The following OTOA variants were observed in gnomAD, a reference collection of about 807,000 sequenced individuals.
OTOA encodes cancer/testis antigen 108.
OTOA carries 70 observed loss-of-function variants against 110.8 expected under a neutral mutation model. That is an observed-to-expected ratio of 0.63 (90% CI 0.52 to 0.77). The LOEUF is 0.77. Ranked by LOEUF, OTOA falls within the 30% of genes least tolerant of loss-of-function variation. The pLI is 0.00. For missense variants in OTOA, 917 were observed against 1,075.8 expected (o/e 0.85, Z 2.06); for synonymous variants, 373 against 431.5 (o/e 0.86, Z 1.68).
chr16:21,678,779 G>T, intron 2 of OTOA, 136 bp from the exon 3 acceptor site: 1 of 1,251,912 alleles, frequency 8.0e-7, no homozygotes, highest in Non-Finnish European at 1.2e-6. Context: ...TTTTCTCAGA[G>T]TGGACAGTTA....
chr16:21,758,804 C>A (rs1353762180), intron 28 of OTOA, among the ~76,000 whole-genome samples: 3 of 151,502 alleles, frequency 2.0e-5, no homozygotes, highest in Non-Finnish European at 2.9e-5. Flanking sequence ...AGTTTTGAGA[C>A]CAGCCTGGCC....
intron 18 of OTOA, among the ~76,000 whole-genome samples, chr16:21,725,274 A>G (rs1214043087): frequency 6.6e-6 from 1 of 152,032 alleles, no homozygotes; most frequent in Non-Finnish European, 1.5e-5. Flanking sequence ...TGGAGAAGTT[A>G]GAATAGATTT....
intron 9 of OTOA, among the ~76,000 whole-genome samples, chr16:21,693,762 G>T (rs1289103264): frequency 6.6e-6 from 1 of 152,114 alleles, no homozygotes; most frequent in Non-Finnish European, 1.5e-5. Context: ...TTTTAGTAGA[G>T]ATGTGATTCC....
At chr16:21,697,438 G>A (rs1897966153) in intron 9 of OTOA, among the ~76,000 whole-genome samples, 1 of 152,048 alleles carries the variant, frequency 6.6e-6, no homozygotes, top group South Asian at 2.1e-4. Context: ...TTTGAGACCA[G>A]CCTGACCAAC....
rs118052093 is a variant in OTOA, at chr16:21,678,250, A to T, written c.-4-261A>T. Among the ~76,000 whole-genome samples the T allele has an allele frequency of 0.023, 3,567 of 152,100 alleles. 76 individuals carry two copies. The highest frequency in any genetic ancestry group is 0.036 in the Non-Finnish European group (2,442 of 67,994). On this transcript the variant is annotated intron_variant, in intron 1 of 28. Coordinates refer to ENST00000646100, the MANE Select transcript of OTOA (RefSeq NM_144672.4). ...AGGAGTTGGGGGTAGTGGTAAGATA[A>T]ACAGGCCATTGTAGTCACCAAGGAG...
chr16:21,699,570 G>A (rs748212737), intron 10 of OTOA, among the ~76,000 whole-genome samples: 14 of 152,010 alleles, frequency 9.2e-5, no homozygotes, highest in African/African-American at 2.4e-4. Flanking sequence ...CCAGGAGGTC[G>A]AGGCTGCAAT....
chr16:21,733,260 T>C (rs1899173493), intron 21 of OTOA, among the ~76,000 whole-genome samples: 1 of 129,152 alleles, frequency 7.7e-6, no homozygotes, highest in African/African-American at 2.9e-5. Context: ...AAATACAAAA[T>C]GGAAAATGCC....
rs757668925 is a variant in OTOA, at chr16:21,722,934, A to G, written c.1836A>G (p.Glu612=). 2 of 1,614,022 alleles carry G rather than the reference A, an allele frequency of 1.2e-6. No individual in the cohort carries two copies. Among genetic ancestry groups the G allele is most frequent in the African/African-American group, 2.7e-5 (2 of 74,916 alleles). Residue 612 remains glutamate, a synonymous_variant, in exon 18 of 29, where the codon GAA becomes GAG. Coordinates refer to ENST00000646100, the MANE Select transcript of OTOA (RefSeq NM_144672.4). Reference sequence around the variant, plus strand: ...ATTGTTTGGCGTGGAAATACTGGGAAGTTTCCAGATTGTCTATGCCACCTT... The same window carrying G: ...ATTGTTTGGCGTGGAAATACTGGGAGGTTTCCAGATTGTCTATGCCACCTT... ...QVNCLAWKYW[E]VSRLSMPPFL...
rs760696070 is a variant in OTOA at position 21,710,023 on chromosome 16, A to G, written c.1240A>G (p.Ile414Val). 8.7e-6 allele frequency: 14 copies of G among 1,613,988 alleles called. No homozygotes were observed. The highest frequency in any genetic ancestry group is 9.3e-6 in the Non-Finnish European group (11 of 1,180,002). Residue 414 changes from isoleucine to valine, a missense_variant, in exon 13 of 29, where the codon ATC (isoleucine) becomes GTC (valine). Around this residue, in one of 6 missense-constraint regions of OTOA, gnomAD observed 840 missense variants for 910.2 expected, o/e 0.92. Transcript: ENST00000646100. ...SLSPEAVHGA[I>V]STLNQVSGWA... is the part of the protein sequence containing the mutation. Reference sequence around the variant, plus strand: ...CTCCCCCGAGGCTGTGCACGGAGCCATCTCCACCCTCAACCAGGTCTCAGG... The same window carrying G: ...CTCCCCCGAGGCTGTGCACGGAGCCGTCTCCACCCTCAACCAGGTCTCAGG...
chr16:21,664,056 C>T lies in OTOA; in HGVS notation c.-181C>T, dbSNP rs1407452632. ...AGTCCCAGGCGGGGACTGTGACCCC[C>T]GCCGCTGCCCTGGCTGAGTTCCCAC... On this transcript the variant is annotated 5_prime_UTR_variant, in exon 1 of 29. Transcript: ENST00000646100. The T allele has an allele frequency of 2.6e-5, 4 of 152,286 alleles. No individual in the cohort carries two copies. Among genetic ancestry groups the T allele is most frequent in the African/African-American group, 9.6e-5 (4 of 41,564 alleles). 9.4% of individuals were successfully genotyped at this position (152,286 alleles called of 1,614,324 possible).
rs181276948 is a variant in OTOA at position 21,685,383 on chromosome 16, G to C, written c.399+22G>C. Reference sequence around the variant, plus strand: ...CTTGGTGAGGAGCCCTTGGCATCCCGGGGATAGAGGAAGTCCAGCACCACG... The same window carrying C: ...CTTGGTGAGGAGCCCTTGGCATCCCCGGGATAGAGGAAGTCCAGCACCACG... On this transcript the variant is annotated intron_variant, in intron 7 of 28. Transcript: ENST00000646100. The C allele has an allele frequency of 1.8e-5, 29 of 1,607,032 alleles. No individual in the cohort carries two copies. The Admixed American group carries it at 4.0e-4, about 22-fold the overall frequency.
chr16:21,714,395 C>T (rs1430094529), intron 13 of OTOA, among the ~76,000 whole-genome samples: 2 of 73,782 alleles, frequency 2.7e-5, no homozygotes, highest in Admixed American at 2.6e-4. Context: ...TTCTCTCTTT[C>T]TTTCTCTTTC....
chr16:21,666,029 C>G (rs975901779), intron 1 of OTOA, among the ~76,000 whole-genome samples: 3 of 151,914 alleles, frequency 2.0e-5, no homozygotes, highest in Non-Finnish European at 4.4e-5. Context: ...CCCTATGTTG[C>G]CCAGGCTGGT....
chr16:21,719,925 C>G (rs540607098), intron 17 of OTOA, among the ~76,000 whole-genome samples: 1 of 151,908 alleles, frequency 6.6e-6, no homozygotes, highest in South Asian at 2.1e-4. Flanking sequence ...GGCTATTTAA[C>G]CTTTGGGGAG....
At chr16:21,713,602 G>A (rs1034982162) in intron 13 of OTOA, among the ~76,000 whole-genome samples, 11 of 152,190 alleles carry the variant, frequency 7.2e-5, no homozygotes, top group Non-Finnish European at 1.2e-4. Context: ...TCATTCTTGT[G>A]AGGTACAGAG....
At chr16:21,689,396 A>G (rs1897784136) in intron 8 of OTOA, among the ~76,000 whole-genome samples, 1 of 152,160 alleles carries the variant, frequency 6.6e-6, no homozygotes, top group Admixed American at 6.5e-5. Context: ...TTTTAAATTC[A>G]GCATCTCTTC....
chr16:21,707,601 C>CTT (rs1420786415), intron 12 of OTOA, among the ~76,000 whole-genome samples: 1 of 55,870 alleles, frequency 1.8e-5, no homozygotes, highest in African/African-American at 5.9e-5. Context: ...CCTTTTCTTT[C>CTT]TTTCTTTCTT....
chr16:21,674,896 CTTTTTTTTTT>C (rs60269668), intron 1 of OTOA, among the ~76,000 whole-genome samples: 2 of 29,786 alleles, frequency 6.7e-5, no homozygotes, highest in Admixed American at 3.8e-4. Context: ...TTTTAAAAAT[CTTTTTTTTTT>C]TTTTTTTTTT....
At chr16:21,692,587 G>C (rs1897852888) in intron 9 of OTOA, among the ~76,000 whole-genome samples, 1 of 152,072 alleles carries the variant, frequency 6.6e-6, no homozygotes, top group African/African-American at 2.4e-5. Context: ...TTGCACAATA[G>C]TGTGGATGTG....
Sources: gnomAD v4.1 joint callset for allele counts (sites outside exome capture counted in the v4.1 genomes callset) on GRCh38, gnomAD v4.1.1 for gene constraint, gnomAD v4.1.1 regional missense constraint, MANE v1.5 for transcripts, NCBI Gene and HGNC (gene_info 2026-07-23, HGNC 2026-07-21) for gene names.